Variants in ANKRD30A observed in about 807,000 individuals in gnomAD.
The protein encoded by ANKRD30A is ankyrin repeat domain 30A.
ANKRD30A carries 170 observed loss-of-function variants against 166.3 expected under a neutral mutation model. The ratio of observed to expected loss-of-function variants is 1.02; its 90% CI spans 0.90 to 1.16. The LOEUF (loss-of-function observed/expected upper bound fraction) is 1.16, where lower values mean the gene tolerates loss of function less well. Ranked by LOEUF, ANKRD30A falls within the 50% of genes most tolerant of loss-of-function variation. ANKRD30A has a pLI of 0.00. For synonymous variants in ANKRD30A, 564 were observed against 508.9 expected (o/e 1.11, Z -1.46); for missense variants, 1,630 against 1,518.0 (o/e 1.07, Z -1.23).
intron 1 of ANKRD30A, 126 bp from the exon 2 acceptor site, chr10:37,129,767 G>C: frequency 4.6e-6 from 2 of 431,946 alleles, no homozygotes. Context: ...TTCTTCAGGA[G>C]AATATTAAGT....
intron 1 of ANKRD30A, among the ~76,000 whole-genome samples, chr10:37,127,872 G>C (rs2132501632): frequency 6.6e-6 from 1 of 152,160 alleles, no homozygotes; most frequent in Admixed American, 6.5e-5. Flanking sequence ...TTAAAAAATT[G>C]TATATGCCCA....
intron 6 of ANKRD30A, 92 bp from the exon 7 acceptor site, chr10:37,141,626 A>G (rs1381076491): frequency 1.3e-6 from 2 of 1,518,264 alleles, no homozygotes; most frequent in Non-Finnish European, 1.8e-6. Flanking sequence ...ATTTAAGGAA[A>G]GCATACAGAA....
chr10:37,220,408 A>G (rs1032931464), intron 34 of ANKRD30A, among the ~76,000 whole-genome samples: 9 of 151,182 alleles, frequency 6.0e-5, no homozygotes, highest in African/African-American at 2.2e-4. Context: ...TGCGTCTTGT[A>G]ATAATACTTT....
At chr10:37,132,484 A>C (rs1461334571) in intron 4 of ANKRD30A, 138 bp downstream of exon 4, 1 of 523,892 alleles carries the variant, frequency 1.9e-6, no homozygotes, top group Non-Finnish European at 3.2e-6. Context: ...TCAGAAGAAA[A>C]GCAATTATTT....
chr10:37,137,496 G>A (rs778729529), intron 6 of ANKRD30A, among the ~76,000 whole-genome samples: 5 of 152,156 alleles, frequency 3.3e-5, no homozygotes, highest in Admixed American at 6.6e-5. Context: ...GGTGACAGAC[G>A]GCACCTGGAA....
chr10:37,245,675 A>G, the ANKRD30A span, among the ~76,000 whole-genome samples: 9 of 151,994 alleles, frequency 5.9e-5, no homozygotes, highest in African/African-American at 2.2e-4. Flanking sequence ...AAGTATGCTC[A>G]TGTCTTAACT....
chr10:37,148,699 T>C, intron 9 of ANKRD30A, among the ~76,000 whole-genome samples: 1 of 152,078 alleles, frequency 6.6e-6, no homozygotes, highest in East Asian at 1.9e-4. Flanking sequence ...ATTAGGTTTC[T>C]ATGTTACAAT....
At chr10:37,164,899 T>C (rs553109008) in intron 17 of ANKRD30A, among the ~76,000 whole-genome samples, 195 bp from the exon 18 acceptor site, 2 of 152,228 alleles carry the variant, frequency 1.3e-5, no homozygotes, top group Non-Finnish European at 2.9e-5. Context: ...AATGACATAA[T>C]GTTAATTGTC....
At chr10:37,148,434 G>GA (rs1837670193) in intron 9 of ANKRD30A, among the ~76,000 whole-genome samples, 2 of 152,150 alleles carry the variant, frequency 1.3e-5, no homozygotes, top group South Asian at 2.1e-4. Context: ...GTGTTGGATG[G>GA]AAAAAATCAG....
In ANKRD30A at chr10:37,132,243, A is replaced by T; in HGVS notation, c.514A>T (p.Ser172Cys). Residue 172 changes from serine to cysteine, a missense_variant, in exon 4 of 36, where the codon AGC becomes TGC. Around this residue, in one of 4 missense-constraint regions of ANKRD30A, gnomAD observed 904 missense variants for 818.5 expected, o/e 1.10. Coordinates refer to ENST00000361713, the MANE Select transcript of ANKRD30A (RefSeq NM_052997.3). The part of the protein sequence containing the change: ...GAVIEVHNKA[S>C]LTPLLLSITK... ...AAATTGTTTTGCTATTTTACAGGCT[A>T]GCCTCACACCACTTTTACTATCCAT... 1 of 1,578,066 alleles carries T rather than the reference A, an allele frequency of 6.3e-7. No individual in the cohort carries two copies. The highest frequency in any genetic ancestry group is 1.2e-5 in the South Asian group (1 of 82,508).
Position 37,193,104 on chromosome 10 carries a change from T to C in ANKRD30A, c.2541+12T>C. The C allele has an allele frequency of 6.2e-7, 1 of 1,604,904 alleles. No individual in the cohort carries two copies. The highest frequency in any genetic ancestry group is 8.5e-7 in the Non-Finnish European group (1 of 1,172,584). ...ATGGTTTTCTGAAGGTAATAACTTT[T>C]ATATTTTTATCTTGAGTATTAACTA... On this transcript the variant is annotated intron_variant, in intron 26 of 35. Transcript: ENST00000361713.
chr10:37,166,190 G>A (rs369965414), intron 18 of ANKRD30A, among the ~76,000 whole-genome samples: 17 of 152,202 alleles, frequency 1.1e-4, no homozygotes, highest in Admixed American at 8.5e-4. Context: ...TTCTATGATC[G>A]TGAATATTTT....
At chr10:37,222,409 G>T (rs1212485327) in intron 34 of ANKRD30A, among the ~76,000 whole-genome samples, 1 of 151,184 alleles carries the variant, frequency 6.6e-6, no homozygotes, top group African/African-American at 2.4e-5. Context: ...GTGTTTTTAA[G>T]TTTCATCTAT....
intron 27 of ANKRD30A, among the ~76,000 whole-genome samples, chr10:37,194,226 A>C (rs976543073): frequency 1.3e-5 from 2 of 152,030 alleles, no homozygotes; most frequent in Non-Finnish European, 2.9e-5. Flanking sequence ...AGCTCACAAC[A>C]TATGTGTGGT....
At chr10:37,213,548 T>C (rs1284913437) in intron 31 of ANKRD30A, among the ~76,000 whole-genome samples, 3 of 126,822 alleles carry the variant, frequency 2.4e-5, no homozygotes, top group East Asian at 4.1e-4. Context: ...TACTTTTTTC[T>C]TCTTCTTCTT....
At chr10:37,258,653 TAAA>T in the ANKRD30A span, among the ~76,000 whole-genome samples, 1 of 116,242 alleles carries the variant, frequency 8.6e-6, no homozygotes, top group African/African-American at 3.2e-5. Flanking sequence ...GGTTAAAAAT[TAAA>T]AAAAAAAAAA....
the ANKRD30A span, among the ~76,000 whole-genome samples, chr10:37,252,696 A>G: frequency 1.4e-5 from 2 of 147,996 alleles, no homozygotes; most frequent in Non-Finnish European, 3.0e-5. Context: ...TTTTTTTTTT[A>G]CTAACTGTGT....
At chr10:37,140,566 T>C (rs1837026701) in intron 6 of ANKRD30A, among the ~76,000 whole-genome samples, 1 of 152,178 alleles carries the variant, frequency 6.6e-6, no homozygotes, top group Admixed American at 6.5e-5. Context: ...AAATAAGATA[T>C]ATTTACTTCA....
At chr10:37,193,298 T>C in intron 27 of ANKRD30A, 40 bp downstream of exon 27, 1 of 1,575,894 alleles carries the variant, frequency 6.3e-7, no homozygotes, top group South Asian at 1.2e-5. Flanking sequence ...GAAAGAAGAA[T>C]ATTAAAATAT....
Sources: allele counts gnomAD v4.1 joint callset (sites outside exome capture counted in the v4.1 genomes callset), GRCh38; gene constraint gnomAD v4.1.1; regional missense constraint gnomAD v4.1.1; transcripts MANE v1.5; gene names NCBI Gene and HGNC (gene_info 2026-07-23, HGNC 2026-07-21).